MGMT: variants seen among roughly 807,000 people sequenced by gnomAD.
MGMT encodes O-6-methylguanine-DNA methyltransferase, also known as methylated-DNA--protein-cysteine methyltransferase.
In MGMT, 14 loss-of-function variants were observed where a neutral mutation model predicts 15.9. The ratio of observed to expected loss-of-function variants is 0.88; its 90% CI spans 0.58 to 1.37. MGMT has a LOEUF of 1.37. Among genes scored for constraint, MGMT ranks in the 40% most tolerant of loss-of-function variants. The pLI is 0.00. For missense variants in MGMT, 282 were observed against 268.1 expected, an observed-to-expected ratio of 1.05 and a Z score of -0.36; for synonymous variants, 130 against 118.2, an observed-to-expected ratio of 1.10 and a Z score of -0.65.
At chr10:129,541,317 A>G (rs1171343915) in intron 2 of MGMT, among the ~76,000 whole-genome samples, 2 of 152,252 alleles carry the variant, frequency 1.3e-5, no homozygotes, top group African/African-American at 2.4e-5. Context: ...GCCTGACAGT[A>G]TCAGGTTTCT....
At position 129,749,076 on chromosome 10, in the gene MGMT, G is replaced by C. The variant is rs572485443; in HGVS notation, c.275-10126G>C. On this transcript the variant is annotated intron_variant, in intron 3 of 4. Coordinates refer to ENST00000651593, the MANE Select transcript of MGMT (RefSeq NM_002412.5). The stretch of plus-strand genomic sequence containing the variant: ...GTTTTATAAGTTTATAATACAGTCA[G>C]ATTCTCTTGTCACAGTCTGTGTTTC... Among the ~76,000 whole-genome samples the C allele has an allele frequency of 1.8e-4, 27 of 152,304 alleles. 1 individual carries two copies. In the South Asian group the frequency reaches 2.9e-3, roughly 16 times the overall value.
intron 1 of MGMT, among the ~76,000 whole-genome samples, chr10:129,494,552 G>C (rs972007950): frequency 6.6e-6 from 1 of 152,220 alleles, no homozygotes; most frequent in Non-Finnish European, 1.5e-5. Context: ...TTTTTGCAAT[G>C]ATGGAAATGT....
intron 2 of MGMT, among the ~76,000 whole-genome samples, chr10:129,685,021 G>A (rs767619984): frequency 6.6e-6 from 1 of 152,214 alleles, no homozygotes; most frequent in Admixed American, 6.5e-5. Flanking sequence ...CGTGGGAAAA[G>A]CTTTTGAGTG....
At chr10:129,703,146 G>A (rs1195196051) in intron 2 of MGMT, among the ~76,000 whole-genome samples, 1 of 152,168 alleles carries the variant, frequency 6.6e-6, no homozygotes, top group African/African-American at 2.4e-5. Context: ...CCCATGAATA[G>A]TTATCTAATG....
chr10:129,553,063 T>C (rs556196809), intron 2 of MGMT, among the ~76,000 whole-genome samples: 105 of 152,352 alleles, frequency 6.9e-4, no homozygotes, highest in African/African-American at 2.4e-3. Context: ...TGTCTCCTCT[T>C]AACCATGCGC....
chr10:129,678,505 G>T (rs1282471842), intron 2 of MGMT, among the ~76,000 whole-genome samples: 1 of 152,128 alleles, frequency 6.6e-6, no homozygotes, highest in East Asian at 1.9e-4. Context: ...TAGAAAGCAT[G>T]CATCACCTCC....
intron 3 of MGMT, among the ~76,000 whole-genome samples, chr10:129,747,110 A>T (rs1252025121): frequency 6.6e-6 from 1 of 152,176 alleles, no homozygotes; most frequent in East Asian, 1.9e-4. Context: ...GTATATAGAA[A>T]GGTGATTGAT....
intron 2 of MGMT, chr10:129,693,918 A>T (rs925736510): frequency 1.2e-4 from 18 of 152,322 alleles, no homozygotes; most frequent in African/African-American, 4.1e-4. Context: ...AAAAAAAAAA[A>T]AAGTGAGACT....
At chr10:129,558,639 G>T (rs1846242144) in intron 2 of MGMT, among the ~76,000 whole-genome samples, 1 of 152,128 alleles carries the variant, frequency 6.6e-6, no homozygotes, top group Non-Finnish European at 1.5e-5. Flanking sequence ...ATTGGAAATG[G>T]TATTACAGTC....
At chr10:129,625,812 T>C (rs1321712655) in intron 2 of MGMT, among the ~76,000 whole-genome samples, 1 of 152,234 alleles carries the variant, frequency 6.6e-6, no homozygotes, top group Non-Finnish European at 1.5e-5. Flanking sequence ...CCAGTACTGA[T>C]CAGGGTTGCT....
chr10:129,672,065 A>G (rs1250017395), intron 2 of MGMT, among the ~76,000 whole-genome samples: 1 of 152,246 alleles, frequency 6.6e-6, no homozygotes, highest in African/African-American at 2.4e-5. Context: ...CCAGCTAAAC[A>G]TTTATCAGTA....
At chr10:129,703,183 A>T (rs1400600075) in intron 2 of MGMT, among the ~76,000 whole-genome samples, 1 of 152,216 alleles carries the variant, frequency 6.6e-6, no homozygotes, top group Non-Finnish European at 1.5e-5. Context: ...TAAAAAGGAG[A>T]ACTACAGAGT....
chr10:129,722,824 A>G (rs1487132521), intron 3 of MGMT, among the ~76,000 whole-genome samples: 3 of 152,050 alleles, frequency 2.0e-5, no homozygotes, highest in Non-Finnish European at 4.4e-5. Flanking sequence ...TTGCAAACAT[A>G]GCAAGACCCT....
intron 1 of MGMT, among the ~76,000 whole-genome samples, chr10:129,476,667 G>C (rs1845298070): frequency 6.6e-6 from 1 of 152,184 alleles, no homozygotes; most frequent in Non-Finnish European, 1.5e-5. Flanking sequence ...GGGAGTGGCT[G>C]GGTGGGGAGG....
chr10:129,720,387 C>T (rs1294723907), intron 3 of MGMT, among the ~76,000 whole-genome samples: 1 of 152,208 alleles, frequency 6.6e-6, no homozygotes, highest in Non-Finnish European at 1.5e-5. Flanking sequence ...GCCTCGGCCC[C>T]TCCTGGCTCA....
chr10:129,657,729 C>CCACACA (rs1468040310), intron 2 of MGMT, among the ~76,000 whole-genome samples: 3 of 122,292 alleles, frequency 2.5e-5, no homozygotes, highest in Non-Finnish European at 3.5e-5. Flanking sequence ...ACACACACAC[C>CCACACA]CCCTCTCCCC....
intron 3 of MGMT, among the ~76,000 whole-genome samples, chr10:129,733,226 C>A (rs1270122251): frequency 2.8e-5 from 4 of 143,068 alleles, no homozygotes; most frequent in Non-Finnish European, 6.1e-5. Flanking sequence ...CCTGTTGTTT[C>A]CTGACTTTTT....
At chr10:129,745,979 G>A (rs1848690294) in intron 3 of MGMT, among the ~76,000 whole-genome samples, 1 of 152,076 alleles carries the variant, frequency 6.6e-6, no homozygotes, top group African/African-American at 2.4e-5. Flanking sequence ...GCTCATGCCT[G>A]TAATCCCAGC....
At chr10:129,604,606 C>A (rs1357586866) in intron 2 of MGMT, among the ~76,000 whole-genome samples, 1 of 151,282 alleles carries the variant, frequency 6.6e-6, no homozygotes, top group South Asian at 2.1e-4. Flanking sequence ...CGTGGAGGAG[C>A]CACTCTCTTG....
Sources: gnomAD v4.1 joint callset for allele counts (sites outside exome capture counted in the v4.1 genomes callset) on GRCh38, gnomAD v4.1.1 for gene constraint, MANE v1.5 for transcripts, NCBI Gene and HGNC (gene_info 2026-07-23, HGNC 2026-07-21) for gene names.